The following RBPJ variants were observed in gnomAD, a reference collection of about 807,000 sequenced individuals.
RBPJ encodes the protein recombination signal binding protein for immunoglobulin kappa J region, also known as recombining binding protein suppressor of hairless.
In RBPJ, 9 loss-of-function variants were observed where a neutral mutation model predicts 67.8. The ratio of observed to expected loss-of-function variants is 0.13; its 90% CI spans 0.08 to 0.23. The LOEUF (loss-of-function observed/expected upper bound fraction) is 0.23. Ranked by LOEUF, RBPJ falls within the 10% of genes least tolerant of loss-of-function variation. The pLI, the probability that RBPJ is intolerant of heterozygous loss-of-function variation, is 1.00. For missense variants in RBPJ, 305 were observed against 595.6 expected (o/e 0.51, Z 5.08); for synonymous variants, 198 against 203.3 (o/e 0.97, Z 0.22).
chr4:26,290,265 G>A (rs952089815), intron 1 of RBPJ, among the ~76,000 whole-genome samples: 2 of 145,676 alleles, frequency 1.4e-5, no homozygotes, highest in Non-Finnish European at 3.0e-5. Flanking sequence ...CTTGAGCTCA[G>A]GAGTTTGAGG....
chr4:26,175,111 C>T (rs1379168491), intron 1 of RBPJ, among the ~76,000 whole-genome samples: 1 of 152,112 alleles, frequency 6.6e-6, no homozygotes, highest in Non-Finnish European at 1.5e-5. Context: ...TTTTCTAATG[C>T]CTGAACTAAA....
At chr4:26,107,215 T>C in the RBPJ span, among the ~76,000 whole-genome samples, 3 of 152,374 alleles carry the variant, frequency 2.0e-5, no homozygotes, top group African/African-American at 7.2e-5. Context: ...TAATGTTCAC[T>C]GTTGGATTGT....
intron 1 of RBPJ, among the ~76,000 whole-genome samples, chr4:26,297,334 T>TTG (rs3065203): frequency 0.44 from 64,966 of 146,638 alleles, 16,512 homozygotes; most frequent in Admixed American, 0.58. Flanking sequence ...AAAAATCACT[T>TTG]TGTGTGTGTG....
upstream of RBPJ, chr4:26,320,784 G>A: frequency 6.4e-7 from 1 of 1,555,454 alleles, no homozygotes. Context: ...CTCGCCCGCG[G>A]AGGAGCCGCC....
At chr4:26,257,103 T>A (rs1431531002) in intron 1 of RBPJ, among the ~76,000 whole-genome samples, 1 of 152,236 alleles carries the variant, frequency 6.6e-6, no homozygotes, top group Non-Finnish European at 1.5e-5. Context: ...TAATTGCTAG[T>A]ATTTGTTGAG....
intron 1 of RBPJ, among the ~76,000 whole-genome samples, chr4:26,311,136 C>T (rs1022809072): frequency 3.9e-5 from 6 of 152,106 alleles, no homozygotes; most frequent in African/African-American, 1.2e-4. Context: ...TGAATTCTGA[C>T]GATCCTATGA....
At chr4:26,418,035 A>G (rs1734762367) in intron 4 of RBPJ, among the ~76,000 whole-genome samples, 1 of 152,240 alleles carries the variant, frequency 6.6e-6, no homozygotes, top group African/African-American at 2.4e-5. Flanking sequence ...AAGCTACGCA[A>G]CAAGGATGAC....
intron 2 of RBPJ, among the ~76,000 whole-genome samples, chr4:26,390,393 G>A (rs1201747381): frequency 6.6e-6 from 1 of 152,076 alleles, no homozygotes; most frequent in East Asian, 1.9e-4. Flanking sequence ...GTATTTTGAG[G>A]TACTATAAGG....
At position 26,432,437 on chromosome 4, in the gene RBPJ, A is replaced by G. The variant is rs1736320595; in HGVS notation, c.*1430A>G. 1 of 152,234 alleles carries G rather than the reference A, an allele frequency of 6.6e-6. No homozygotes were observed. Among genetic ancestry groups the G allele is most frequent in the Admixed American group, 6.5e-5 (1 of 15,292 alleles). 9.4% of individuals were successfully genotyped at this position (152,234 alleles called of 1,614,324 possible). On this transcript the variant is annotated 3_prime_UTR_variant, in exon 11 of 11. Transcript: ENST00000355476. ...GTTTGTTTGTTTTCTCTTTTCCAGT[A>G]CTGAGCATCTCCACAAATGTCTCCT...
At chr4:26,262,856 C>T (rs1046509589) in intron 1 of RBPJ, among the ~76,000 whole-genome samples, 1 of 152,152 alleles carries the variant, frequency 6.6e-6, no homozygotes, top group African/African-American at 2.4e-5. Flanking sequence ...GCTTGTCTTC[C>T]AGTATGCTCT....
chr4:26,291,580 C>CTT (rs1264126269), intron 1 of RBPJ, among the ~76,000 whole-genome samples: 4 of 141,942 alleles, frequency 2.8e-5, no homozygotes, highest in Non-Finnish European at 3.1e-5. Flanking sequence ...GTATGAATGA[C>CTT]TTTTTTTTTT....
intron 2 of RBPJ, among the ~76,000 whole-genome samples, chr4:26,394,485 C>A (rs1424582325): frequency 3.3e-5 from 5 of 149,744 alleles, no homozygotes; most frequent in African/African-American, 9.8e-5. Flanking sequence ...AAAAAAAAAA[C>A]CAAATAGAAT....
At chr4:26,303,460 GA>G (rs1408062566) in intron 1 of RBPJ, among the ~76,000 whole-genome samples, 6 of 143,886 alleles carry the variant, frequency 4.2e-5, no homozygotes, top group Admixed American at 1.4e-4. Context: ...AAAAAAGAAA[GA>G]AAAAAAAGAA....
chr4:26,151,264 TAGTC>T, the RBPJ span, among the ~76,000 whole-genome samples: 1 of 152,132 alleles, frequency 6.6e-6, no homozygotes, highest in Non-Finnish European at 1.5e-5. Flanking sequence ...AGAAAAAAAT[TAGTC>T]AGCCATGACT....
At chr4:26,113,786 C>A in the RBPJ span, 1 of 251,112 alleles carries the variant, frequency 4.0e-6, no homozygotes, top group South Asian at 6.5e-5. Flanking sequence ...AAAATCAGCT[C>A]TCACCAAACA....
intron 3 of RBPJ, among the ~76,000 whole-genome samples, chr4:26,409,130 G>A (rs910260533): frequency 6.6e-6 from 1 of 152,160 alleles, no homozygotes; most frequent in Non-Finnish European, 1.5e-5. Context: ...TTATGCAAAA[G>A]GACCTTTACT....
intron 1 of RBPJ, among the ~76,000 whole-genome samples, chr4:26,227,986 C>T (rs979095782): frequency 2.6e-5 from 4 of 152,218 alleles, no homozygotes; most frequent in African/African-American, 4.8e-5. Flanking sequence ...CACCGTGATG[C>T]GCAAGCCATT....
At chr4:26,125,900 G>GTTCCACCCATAA in the RBPJ span, among the ~76,000 whole-genome samples, 16 of 152,264 alleles carry the variant, frequency 1.1e-4, no homozygotes, top group African/African-American at 3.4e-4. Context: ...CAATGCAGCT[G>GTTCCACCCATAA]GAGAGGCAGC....
intron 1 of RBPJ, among the ~76,000 whole-genome samples, chr4:26,168,742 C>A (rs1716425138): frequency 1.3e-5 from 2 of 152,166 alleles, no homozygotes; most frequent in Admixed American, 1.3e-4. Flanking sequence ...TCACATAGTC[C>A]CATATTTCTT....
Sources: gnomAD v4.1 joint callset for allele counts (sites outside exome capture counted in the v4.1 genomes callset) on GRCh38, gnomAD v4.1.1 for gene constraint, MANE v1.5 for transcripts, NCBI Gene and HGNC (gene_info 2026-07-23, HGNC 2026-07-21) for gene names.